The following XKRX variants were observed in gnomAD, a reference collection of about 807,000 sequenced individuals.
XKRX encodes XK-related protein 2.
XKRX carries 11 observed loss-of-function variants against 22.4 expected under a neutral mutation model. That is an observed-to-expected ratio of 0.49 (90% CI 0.31 to 0.81). XKRX has a LOEUF of 0.81. XKRX is among the 40% of genes least tolerant of loss of function. XKRX has a pLI of 0.05. For missense variants in XKRX, 320 were observed against 336.5 expected, an observed-to-expected ratio of 0.95 and a Z score of 0.38; for synonymous variants, 114 against 132.2, an observed-to-expected ratio of 0.86 and a Z score of 0.94.
intron 2 of XKRX, among the ~76,000 whole-genome samples, chrX:100,920,189 A>T (rs2085465179): frequency 9.2e-6 from 1 of 108,962 alleles, no homozygotes; most frequent in Non-Finnish European, 1.9e-5. Flanking sequence ...TTCCTTTTTG[A>T]GACAATCAAT....
At chrX:100,895,518 C>T in the XKRX span, among the ~76,000 whole-genome samples, 1 of 111,752 alleles carries the variant, frequency 8.9e-6, no homozygotes, top group African/African-American at 3.3e-5. Flanking sequence ...GTAAAGTCGA[C>T]ATTTCCGTTC....
the XKRX span, among the ~76,000 whole-genome samples, chrX:100,939,516 G>A: frequency 8.9e-6 from 1 of 111,900 alleles, no homozygotes; most frequent in South Asian, 3.8e-4. Flanking sequence ...AGCTGACAAT[G>A]CAAAGGAAAC....
At chrX:100,930,603 C>T (rs1320879117), upstream of XKRX, among the ~76,000 whole-genome samples, 1 of 111,452 alleles carries the variant, frequency 9.0e-6, no homozygotes, top group African/African-American at 3.3e-5. Flanking sequence ...GGCTAGGAGG[C>T]TGCTCCTTTC....
chrX:100,914,610 T>G lies in XKRX; in HGVS notation c.1078A>C (p.Asn360His), dbSNP rs1274472837. Residue 360 changes from asparagine to histidine, a missense_variant, in exon 3 of 3, where the codon AAT (asparagine) becomes CAT (histidine). Transcript: ENST00000372956. Reference sequence around the variant, plus strand: ...TTAAAAACCAAGACCATGATCACATTCTCTACCAACCTCACACTATAGTGC... The same window carrying G: ...TTAAAAACCAAGACCATGATCACATGCTCTACCAACCTCACACTATAGTGC... ...GLHYSVRLVE[N>H]VIMVLVFKFF... 1 of 1,210,114 alleles carries G rather than the reference T, an allele frequency of 8.3e-7. No homozygotes were observed. Among genetic ancestry groups the G allele is most frequent in the African/African-American group, 1.8e-5 (1 of 57,129 alleles).
rs1296560839 is a variant in XKRX at position 100,926,493 on chromosome X, A to G, written c.335+1477T>C. Among the ~76,000 whole-genome samples, 3 of 112,494 alleles carry G rather than the reference A, an allele frequency of 2.7e-5. No homozygotes were observed. The East Asian group carries it at 8.3e-4, about 31-fold the overall frequency. On this transcript the variant is annotated intron_variant, in intron 1 of 2. Coordinates refer to ENST00000372956, the MANE Select transcript of XKRX (RefSeq NM_212559.3). Reference sequence around the variant, plus strand: ...TGTGTACAGATATGAAATTTTATAAAGGAGTGAGTTCCATCCTTAATTAGT... The same window carrying G: ...TGTGTACAGATATGAAATTTTATAAGGGAGTGAGTTCCATCCTTAATTAGT...
At chrX:100,893,780 A>C in the XKRX span, among the ~76,000 whole-genome samples, 1 of 111,686 alleles carries the variant, frequency 9.0e-6, no homozygotes, top group African/African-American at 3.3e-5. Flanking sequence ...CATGGACATA[A>C]AGATGGGGCA....
chrX:100,893,409 T>C, the XKRX span, among the ~76,000 whole-genome samples: 3 of 111,809 alleles, frequency 2.7e-5, no homozygotes, highest in Non-Finnish European at 1.9e-5. Context: ...TATGGAGATA[T>C]CTCCAAGAAC....
chrX:100,951,116 C>T, the XKRX span, among the ~76,000 whole-genome samples: 4 of 107,706 alleles, frequency 3.7e-5, no homozygotes, highest in African/African-American at 1.4e-4. Context: ...CGCCTGTAAT[C>T]CCAGCTACTA....
intron 2 of XKRX, among the ~76,000 whole-genome samples, chrX:100,917,586 A>C (rs1032975110): frequency 2.9e-5 from 3 of 103,151 alleles, no homozygotes; most frequent in Non-Finnish European, 5.9e-5. Context: ...AGAGAGAAAG[A>C]AAAGAAAGAA....
At chrX:100,947,985 C>T in the XKRX span, among the ~76,000 whole-genome samples, 1 of 108,425 alleles carries the variant, frequency 9.2e-6, no homozygotes, top group African/African-American at 3.4e-5. Context: ...TCATTGCAAC[C>T]TCCTCCTCCT....
Position 100,928,713 on chromosome X carries a change from G to A in XKRX, c.-409C>T. 3.9e-6 allele frequency: 3 copies of A among 777,197 alleles called. No homozygotes were observed. The highest frequency in any genetic ancestry group is 4.6e-6 in the Non-Finnish European group (3 of 654,697). The allele number at this position is 777,197 out of a possible 1,213,427, so 64.0% of individuals were successfully genotyped here. A position where few individuals can be genotyped will look rare whatever the true frequency, so the allele number is the denominator to read the frequency against. On this transcript the variant is annotated 5_prime_UTR_variant, in exon 1 of 3. Coordinates refer to ENST00000372956, the MANE Select transcript of XKRX (RefSeq NM_212559.3). Reference sequence around the variant, plus strand: ...CAGGCAGGGTGTAGCCGATCTGTCGGGGGCACCGACACTCAGCAGCTCCTC... The same window carrying A: ...CAGGCAGGGTGTAGCCGATCTGTCGAGGGCACCGACACTCAGCAGCTCCTC...
At position 100,914,505 on chromosome X, in the gene XKRX, T is replaced by A; in HGVS notation, c.1183A>T (p.Ile395Phe). 3 of 1,211,486 alleles carry A rather than the reference T, an allele frequency of 2.5e-6. No homozygotes were observed. The highest frequency in any genetic ancestry group is 3.5e-5 in the African/African-American group (2 of 57,670). ...TGGAAGAAAAGGAGCATGAAGCCAA[T>A]GGAAATCAGATAAGCAATAATGAGC... ...LQLIIAYLISIGFMLLFFQYL... is the reference protein window; with the variant it reads ...LQLIIAYLISFGFMLLFFQYL... The change falls in exon 3 of 3, where the codon ATT (isoleucine) becomes TTT (phenylalanine). Residue 395 changes from isoleucine to phenylalanine, a missense_variant. Transcript: ENST00000372956.
At chrX:100,954,879 G>A in the XKRX span, among the ~76,000 whole-genome samples, 2 of 112,154 alleles carry the variant, frequency 1.8e-5, no homozygotes, top group Non-Finnish European at 3.8e-5. Flanking sequence ...GAAACAGAAA[G>A]TAGATTCCTT....
chrX:100,911,052 G>GA (rs2085405322), downstream of XKRX: 1 of 556,206 alleles, frequency 1.8e-6, no homozygotes, highest in Admixed American at 2.4e-5. Flanking sequence ...GAGAAGGTGG[G>GA]AAAATGGGAA....
chrX:100,955,183 C>G, the XKRX span, among the ~76,000 whole-genome samples: 2 of 111,651 alleles, frequency 1.8e-5, no homozygotes, highest in African/African-American at 6.5e-5. Context: ...ATGCATAGGC[C>G]TATATACACA....
At chrX:100,942,882 GA>G in the XKRX span, among the ~76,000 whole-genome samples, 5 of 109,371 alleles carry the variant, frequency 4.6e-5, no homozygotes, top group African/African-American at 1.0e-4. Context: ...TCTGAATGTG[GA>G]AAAAAAAAGT....
At chrX:100,887,276 G>T in the XKRX span, among the ~76,000 whole-genome samples, 1 of 109,519 alleles carries the variant, frequency 9.1e-6, no homozygotes, top group Non-Finnish European at 1.9e-5. Context: ...CTTCAGAGTA[G>T]ACTAACTTTA....
the XKRX span, among the ~76,000 whole-genome samples, chrX:100,897,584 A>AATATAT: frequency 6.7e-5 from 3 of 45,009 alleles, no homozygotes; most frequent in African/African-American, 2.8e-4. Context: ...AAATCCCACA[A>AATATAT]ATATATATAT....
At chrX:100,904,002 G>A in the XKRX span, among the ~76,000 whole-genome samples, 1 of 111,699 alleles carries the variant, frequency 9.0e-6, no homozygotes, top group South Asian at 3.7e-4. Flanking sequence ...AGTATTTATG[G>A]AGAAGCAAAA....
Sources: allele counts gnomAD v4.1 joint callset (sites outside exome capture counted in the v4.1 genomes callset), GRCh38; gene constraint gnomAD v4.1.1; transcripts MANE v1.5; gene names NCBI Gene and HGNC (gene_info 2026-07-23, HGNC 2026-07-21).